The following CNTLN variants were observed in gnomAD, a reference collection of about 807,000 sequenced individuals.
The protein encoded by CNTLN is centlein.
In CNTLN, 212 loss-of-function variants were observed where a neutral mutation model predicts 180.0. The observed-to-expected ratio is 1.18, with a 90% CI of 1.05 to 1.32. The LOEUF (loss-of-function observed/expected upper bound fraction) is 1.32, where lower values mean the gene tolerates loss of function less well. Among genes scored for constraint, CNTLN ranks in the 40% most tolerant of loss-of-function variants. The probability of loss-of-function intolerance (pLI) is 0.00; values close to 1 mark genes in which losing one functional copy is unlikely to be tolerated. For synonymous variants in CNTLN, 722 were observed against 563.1 expected (o/e 1.28, Z -3.99); for missense variants, 2,095 against 1,610.9 (o/e 1.30, Z -5.14).
intron 8 of CNTLN, among the ~76,000 whole-genome samples, chr9:17,316,870 C>A (rs1483249994): frequency 6.6e-6 from 1 of 152,082 alleles, no homozygotes; most frequent in South Asian, 2.1e-4. Context: ...CATAGAAATT[C>A]ATGTGAACTT....
chr9:17,512,519 G>C, the CNTLN span, among the ~76,000 whole-genome samples: 1 of 152,124 alleles, frequency 6.6e-6, no homozygotes, highest in Non-Finnish European at 1.5e-5. Flanking sequence ...ATAGGGGAGA[G>C]AGTAAAGGGG....
At chr9:17,259,365 G>T (rs1374156081) in intron 5 of CNTLN, among the ~76,000 whole-genome samples, 4 of 130,480 alleles carry the variant, frequency 3.1e-5, no homozygotes, top group African/African-American at 9.1e-5. Context: ...TGTGCTGCTG[G>T]ATTCAGTTTG....
intron 6 of CNTLN, among the ~76,000 whole-genome samples, chr9:17,283,277 G>C (rs899619052): frequency 2.0e-5 from 3 of 152,102 alleles, no homozygotes; most frequent in African/African-American, 7.2e-5. Flanking sequence ...GCAGTGGTTT[G>C]TAGTTCTCCT....
chr9:17,261,992 C>A (rs1348791896), intron 5 of CNTLN, among the ~76,000 whole-genome samples: 1 of 151,476 alleles, frequency 6.6e-6, no homozygotes, highest in African/African-American at 2.4e-5. Context: ...TATCAGTAGT[C>A]ATTAGAGAAA....
rs561551952 is a variant in CNTLN at position 17,376,169 on chromosome 9, C to T, written c.1987+9452C>T. On this transcript the variant is annotated intron_variant, in intron 13 of 25. Coordinates refer to ENST00000380647, the MANE Select transcript of CNTLN (RefSeq NM_017738.4). ...TATCAGCTTCTGAATCACATTGTCT[C>T]ATTTTATGTCCTACTCTTGCTGTTA... 2.6e-5 allele frequency among the ~76,000 whole-genome samples: 4 copies of T among 152,238 alleles called. No homozygotes were observed. In the South Asian group the frequency reaches 8.3e-4, roughly 32 times the overall value.
At chr9:17,259,287 G>A (rs1392588516) in intron 5 of CNTLN, among the ~76,000 whole-genome samples, 1 of 145,954 alleles carries the variant, frequency 6.9e-6, no homozygotes, top group Non-Finnish European at 1.5e-5. Flanking sequence ...TTATTGATTT[G>A]CGTATATTGA....
intron 25 of CNTLN, among the ~76,000 whole-genome samples, chr9:17,496,854 CTACACAGTTCCTGGCAT>C (rs1564154059): frequency 6.6e-6 from 1 of 152,154 alleles, no homozygotes; most frequent in Non-Finnish European, 1.5e-5. Context: ...AGTATATATA[CTACACAGTTCCTGGCAT>C]TTGAGAACGA....
At chr9:17,299,488 A>G (rs1410854779) in intron 7 of CNTLN, 2 of 983,636 alleles carry the variant, frequency 2.0e-6, no homozygotes, top group African/African-American at 3.5e-5. Flanking sequence ...AATGTCTATA[A>G]TTAACATGAA....
At chr9:17,293,929 G>C (rs1209983105) in intron 6 of CNTLN, among the ~76,000 whole-genome samples, 1 of 152,184 alleles carries the variant, frequency 6.6e-6, no homozygotes. Flanking sequence ...TGGTTTCCCA[G>C]GCAGGGTAGT....
chr9:17,299,476 C>G, intron 7 of CNTLN: 1 of 981,638 alleles, frequency 1.0e-6, no homozygotes, highest in South Asian at 4.7e-5. Context: ...CTGTGAAAAT[C>G]GAATGTCTAT....
intron 2 of CNTLN, among the ~76,000 whole-genome samples, chr9:17,171,628 A>G (rs1391320585): frequency 2.6e-5 from 4 of 152,034 alleles, no homozygotes; most frequent in African/African-American, 7.2e-5. Context: ...CACAGTGCCT[A>G]TGGAGTGGCC....
intron 2 of CNTLN, among the ~76,000 whole-genome samples, chr9:17,217,963 A>G (rs934868940): frequency 2.6e-5 from 4 of 152,166 alleles, no homozygotes; most frequent in African/African-American, 9.6e-5. Flanking sequence ...TAATATAAGC[A>G]GATGTGTTCT....
At chr9:17,360,563 T>C (rs1403385346) in intron 12 of CNTLN, among the ~76,000 whole-genome samples, 1 of 152,142 alleles carries the variant, frequency 6.6e-6, no homozygotes, top group African/African-American at 2.4e-5. Context: ...AAGAGATTCT[T>C]GCTAAACTGA....
chr9:17,332,988 T>C (rs1820744181), intron 10 of CNTLN, among the ~76,000 whole-genome samples: 1 of 152,064 alleles, frequency 6.6e-6, no homozygotes, highest in Non-Finnish European at 1.5e-5. Flanking sequence ...AAATTGGGAA[T>C]AAATTTCTTA....
chr9:17,328,584 A>T (rs1210594383), intron 8 of CNTLN, among the ~76,000 whole-genome samples: 4 of 152,206 alleles, frequency 2.6e-5, no homozygotes, highest in Admixed American at 2.6e-4. Flanking sequence ...TCTTGTAAAC[A>T]TGTCTGTAAC....
intron 20 of CNTLN, among the ~76,000 whole-genome samples, chr9:17,463,667 C>CA (rs1831581856): frequency 6.6e-6 from 1 of 151,468 alleles, no homozygotes; most frequent in African/African-American, 2.4e-5. Flanking sequence ...AAGCATTAGA[C>CA]AAAAAGCTTG....
intron 6 of CNTLN, among the ~76,000 whole-genome samples, chr9:17,295,095 CGGGCTGGCG>C (rs1422687652): frequency 6.6e-6 from 1 of 151,726 alleles, no homozygotes; most frequent in East Asian, 2.0e-4. Context: ...CCCTCACTGC[CGGGCTGGCG>C]GGGCTGGCTG....
intron 13 of CNTLN, among the ~76,000 whole-genome samples, chr9:17,368,685 G>C (rs184422254): frequency 1.3e-5 from 2 of 152,328 alleles, no homozygotes; most frequent in Admixed American, 1.3e-4. Context: ...GAGAAGGAAA[G>C]AAAACAAGAG....
intron 23 of CNTLN, among the ~76,000 whole-genome samples, chr9:17,479,841 A>C (rs1445193458): frequency 6.6e-6 from 1 of 152,194 alleles, no homozygotes; most frequent in Non-Finnish European, 1.5e-5. Context: ...CTTTTGAACA[A>C]AGAGGAAAGA....
Sources: allele counts gnomAD v4.1 joint callset (sites outside exome capture counted in the v4.1 genomes callset), GRCh38; gene constraint gnomAD v4.1.1; transcripts MANE v1.5; gene names NCBI Gene and HGNC (gene_info 2026-07-23, HGNC 2026-07-21).